Variants in FAM53C observed in about 807,000 individuals in gnomAD.
The protein encoded by FAM53C is protein FAM53C.
In FAM53C, 10 loss-of-function variants were observed where a neutral mutation model predicts 34.7. That is an observed-to-expected ratio of 0.29 (90% CI 0.18 to 0.49). FAM53C has a LOEUF of 0.49. Ranked by LOEUF, FAM53C falls within the 20% of genes least tolerant of loss-of-function variation. The pLI is 0.99. For missense variants in FAM53C, 442 were observed against 515.3 expected (o/e 0.86, Z 1.38); for synonymous variants, 203 against 203.6 (o/e 1.00, Z 0.03).
chr5:138,348,137 T>A lies in FAM53C; in HGVS notation c.*1178T>A, dbSNP rs556279658. The A allele has an allele frequency of 2.6e-5, 4 of 152,800 alleles. No homozygotes were observed. In the South Asian group the frequency reaches 8.3e-4, roughly 32 times the overall value. 9.5% of individuals were successfully genotyped at this position (152,800 alleles called of 1,614,324 possible). A position where few individuals can be genotyped will look rare whatever the true frequency, so the allele number is the denominator to read the frequency against. Reference sequence around the variant, plus strand: ...TTAGCATTTAATAGTTTGCTTGTCTTCCACTCCTGCCAGGAAGTGTTTATT... The same window carrying A: ...TTAGCATTTAATAGTTTGCTTGTCTACCACTCCTGCCAGGAAGTGTTTATT... On this transcript the variant is annotated 3_prime_UTR_variant, in exon 5 of 5. Transcript: ENST00000239906.
Position 138,347,064 on chromosome 5 carries a change from T to C in FAM53C, c.*105T>C. 6.7e-7 allele frequency: 1 copy of C among 1,485,476 alleles called. No homozygotes were observed. Among genetic ancestry groups the C allele is most frequent in the East Asian group, 2.3e-5 (1 of 44,272 alleles). The allele number at this position is 1,485,476 out of a possible 1,614,324, so 92.0% of individuals were successfully genotyped here. A position where few individuals can be genotyped will look rare whatever the true frequency, so the allele number is the denominator to read the frequency against. ...GGCCGAGCCTGGGAATGGGGGTGAG[T>C]GGAGGGCTCCGACTCAGGGCAGCTG... On this transcript the variant is annotated 3_prime_UTR_variant, in exon 5 of 5. Transcript: ENST00000239906.
intron 2 of FAM53C, 146 bp downstream of exon 2, chr5:138,341,559 CA>C: frequency 1.2e-6 from 1 of 847,494 alleles, no homozygotes. Flanking sequence ...AAACCCAGCC[CA>C]AAAGGAAGGG....
intron 3 of FAM53C, chr5:138,342,853 GTC>G: frequency 6.7e-6 from 1 of 149,518 alleles, no homozygotes; most frequent in East Asian, 2.0e-4. Flanking sequence ...GTGAAACCCT[GTC>G]TCTACTAAAA....
chr5:138,337,896 G>A, upstream of FAM53C: 1 of 1,207,588 alleles, frequency 8.3e-7, no homozygotes. Context: ...CCCGAACCGA[G>A]TGGGAGGCTG....
chr5:138,342,190 A>G (rs932598150), intron 3 of FAM53C: 6 of 307,566 alleles, frequency 2.0e-5, no homozygotes, highest in African/African-American at 6.4e-5. Flanking sequence ...CTATCTACCC[A>G]GCTTCTACCA....
Position 138,345,709 on chromosome 5 carries a change from C to T in FAM53C, c.921+100C>T. On this transcript the variant is annotated intron_variant, in intron 4 of 4. Coordinates refer to ENST00000239906, the MANE Select transcript of FAM53C (RefSeq NM_016605.3). The surrounding 1 kb of genome is among the most constrained non-coding windows in gnomAD (Gnocchi z 6.3). ...TAGCTTCATTACCCTGCCGCCCCCA[C>T]CACCAACAGCACCTCCTTTAGCTCT... 2 of 1,344,042 alleles carry T rather than the reference C, an allele frequency of 1.5e-6. No homozygotes were observed. The highest frequency in any genetic ancestry group is 2.0e-6 in the Non-Finnish European group (2 of 981,998). The allele number at this position is 1,344,042 out of a possible 1,614,324, so 83.3% of individuals were successfully genotyped here.
intron 1 of FAM53C, among the ~76,000 whole-genome samples, chr5:138,339,971 G>C (rs922904308): frequency 6.6e-6 from 1 of 152,160 alleles, no homozygotes; most frequent in African/African-American, 2.4e-5. Flanking sequence ...GCTTTTCTTA[G>C]TGTGCAGGTG....
chr5:138,346,767 A>G lies in FAM53C; in HGVS notation c.987A>G (p.Pro329=), dbSNP rs1580860679. Residue 329 remains proline, a synonymous_variant, in exon 5 of 5, where the codon CCA becomes CCG. Transcript: ENST00000239906. ...GGGAAGGCAGCAGCATCTCTCCACC[A>G]TGGTTCATGGCCTGTAGCCCCCCAC... ...TAREGSSISP[P]WFMACSPPPL... 1.2e-6 allele frequency: 2 copies of G among 1,614,096 alleles called. No individual in the cohort carries two copies. Among genetic ancestry groups the G allele is most frequent in the Non-Finnish European group, 1.7e-6 (2 of 1,180,012 alleles).
In FAM53C at chr5:138,338,291, G is replaced by C. The variant is rs1330895657; in HGVS notation, c.-169G>C. On this transcript the variant is annotated 5_prime_UTR_variant, in exon 1 of 5. Coordinates refer to ENST00000239906, the MANE Select transcript of FAM53C (RefSeq NM_016605.3). ...AGAGCTGCTCCGGCCGCGGCCCTGG[G>C]AGCTGGAGGAACCGCGGTAGGTGGT... is the stretch of plus-strand genomic sequence containing the variant. 1.3e-6 allele frequency: 1 copy of C among 744,788 alleles called. No homozygotes were observed. Among genetic ancestry groups the C allele is most frequent in the South Asian group, 1.4e-5 (1 of 69,988 alleles). 46.1% of individuals were successfully genotyped at this position (744,788 alleles called of 1,614,324 possible).
chr5:138,347,132 G>T lies in FAM53C; in HGVS notation c.*173G>T, dbSNP rs1002862961. ...GCAAGCTCGACCATGCCAAGAGACT[G>T]GCCGGGACAAGATAAACGGAGCTGG... On this transcript the variant is annotated 3_prime_UTR_variant, in exon 5 of 5. Transcript: ENST00000239906. 155 of 903,098 alleles carry T rather than the reference G, an allele frequency of 1.7e-4. No homozygotes were observed. The highest frequency in any genetic ancestry group is 2.4e-4 in the Non-Finnish European group (142 of 601,836). 55.9% of individuals were successfully genotyped at this position (903,098 alleles called of 1,614,324 possible). A position where few individuals can be genotyped will look rare whatever the true frequency, so the allele number is the denominator to read the frequency against.
Position 138,341,798 on chromosome 5 carries a change from C to T in FAM53C, c.79-11C>T. ...GAATCCAAATCATGATGGATATTCT[C>T]TCTTTCTTAGCCTTTGCCTGATCAT... On this transcript the variant is annotated splice_polypyrimidine_tract_variant and intron_variant, in intron 2 of 4. Transcript: ENST00000239906. 1.2e-6 allele frequency: 2 copies of T among 1,613,896 alleles called. No homozygotes were observed. Among genetic ancestry groups the T allele is most frequent in the Non-Finnish European group, 8.5e-7 (1 of 1,179,764 alleles).
At chr5:138,341,922 T>G in intron 3 of FAM53C, 56 bp downstream of exon 3, 2 of 1,555,918 alleles carry the variant, frequency 1.3e-6, no homozygotes, top group African/African-American at 1.4e-5. Flanking sequence ...TCTCCACACA[T>G]TTCTATCATT....
At chr5:138,341,639 A>C (rs1299576331) in intron 2 of FAM53C, 170 bp from the exon 3 acceptor site, 3 of 735,854 alleles carry the variant, frequency 4.1e-6, no homozygotes, top group Non-Finnish European at 7.1e-6. Flanking sequence ...GAGATGTTGG[A>C]AGATGTGGAT....
At chr5:138,338,103 C>T (rs1364325838), upstream of FAM53C, 3 of 1,289,822 alleles carry the variant, frequency 2.3e-6, no homozygotes, top group Non-Finnish European at 2.0e-6. Flanking sequence ...TTCCCAACAG[C>T]GCTGTCCGAG....
chr5:138,341,690 C>A, intron 2 of FAM53C, 119 bp from the exon 3 acceptor site: 2 of 923,144 alleles, frequency 2.2e-6, no homozygotes, highest in South Asian at 1.4e-5. Context: ...AGGAAGAACA[C>A]TTAATGTCCC....
rs776153922 is a variant in FAM53C, at chr5:138,344,948, C to T, written c.260C>T (p.Pro87Leu). 2.5e-6 allele frequency: 4 copies of T among 1,614,168 alleles called. No homozygotes were observed. The highest frequency in any genetic ancestry group is 3.4e-6 in the Non-Finnish European group (4 of 1,180,022). ...AGACCACCCAGTCGGGGAAACTCCC[C>T]CAAGGAGCAGCCCTTCTCCCAAGTC... Reference protein sequence around the residue: ...HLRPPSRGNSPKEQPFSQVLR... With the variant: ...HLRPPSRGNSLKEQPFSQVLR... Residue 87 changes from proline (P) to leucine (L), a missense_variant, in exon 4 of 5, where the codon CCC becomes CTC. Transcript: ENST00000239906.
At chr5:138,346,589 A>G (rs1038141206) in intron 4 of FAM53C, 113 bp from the exon 5 acceptor site, 1 of 1,360,600 alleles carries the variant, frequency 7.3e-7, no homozygotes, top group African/African-American at 1.5e-5. Flanking sequence ...ACGCCACTGC[A>G]CTCCAGCCAG....
In FAM53C at chr5:138,347,339, T is replaced by A. The variant is rs746406193; in HGVS notation, c.*380T>A. On this transcript the variant is annotated 3_prime_UTR_variant, in exon 5 of 5. Transcript: ENST00000239906. ...CTTAGAATTTGGCCAGGGTGGGGGG[T>A]TGAGTCAGCCTCCTCAGAGAAACTG... 6.9e-6 allele frequency: 2 copies of A among 290,596 alleles called. No homozygotes were observed. The highest frequency in any genetic ancestry group is 1.3e-5 in the Non-Finnish European group (2 of 151,616). The allele number at this position is 290,596 out of a possible 1,614,324, so 18.0% of individuals were successfully genotyped here. A position where few individuals can be genotyped will look rare whatever the true frequency, so the allele number is the denominator to read the frequency against.
At chr5:138,342,768 G>T (rs1372122438) in intron 3 of FAM53C, 2 of 151,362 alleles carry the variant, frequency 1.3e-5, no homozygotes, top group Non-Finnish European at 2.9e-5. Context: ...GCTCATGCCT[G>T]TAATCCTAGC....
Sources: gnomAD v4.1 joint callset for allele counts (sites outside exome capture counted in the v4.1 genomes callset) on GRCh38, gnomAD v4.1.1 for gene constraint, Gnocchi (gnomAD v3.1) non-coding constraint, MANE v1.5 for transcripts, NCBI Gene and HGNC (gene_info 2026-07-23, HGNC 2026-07-21) for gene names.